Variants in FSIP2 observed in about 807,000 individuals in gnomAD.
The protein encoded by FSIP2 is fibrous sheath-interacting protein 2.
FSIP2 carries 367 observed loss-of-function variants against 510.5 expected under a neutral mutation model. The ratio of observed to expected loss-of-function variants is 0.72; its 90% CI spans 0.66 to 0.78. The LOEUF is 0.78. Among genes scored for constraint, FSIP2 ranks in the 30% least tolerant of loss-of-function variants. The probability of loss-of-function intolerance (pLI) is 0.00; values close to 1 mark genes in which losing one functional copy is unlikely to be tolerated. For missense variants in FSIP2, 7,594 were observed against 7,901.7 expected (o/e 0.96, Z 1.48); for synonymous variants, 2,601 against 2,732.2 (o/e 0.95, Z 1.50).
Position 185,791,277 on chromosome 2 carries a change from C to G in FSIP2, c.4141C>G (p.Arg1381Gly), listed in dbSNP as rs1227256846. 1 of 1,534,050 alleles carries G rather than the reference C, an allele frequency of 6.5e-7. No individual in the cohort carries two copies. The change falls in exon 16 of 23, where the codon CGT becomes GGT. Residue 1381 changes from arginine to glycine, a missense_variant. Coordinates refer to ENST00000424728, the MANE Select transcript of FSIP2 (RefSeq NM_173651.4). The part of the protein sequence containing the change: ...AHQRSISLSS[R>G]KPKSATDSVD... Reference sequence around the variant, plus strand: ...TCAAAGAAGCATTTCACTCTCTTCTCGTAAGCCAAAGTCTGCAACTGACAG... The same window carrying G: ...TCAAAGAAGCATTTCACTCTCTTCTGGTAAGCCAAAGTCTGCAACTGACAG...
chr2:185,762,820 CTTTG>C (rs148800739), intron 11 of FSIP2, among the ~76,000 whole-genome samples: 1 of 151,390 alleles, frequency 6.6e-6, no homozygotes, highest in South Asian at 2.1e-4. Flanking sequence ...TAAATCACAG[CTTTG>C]TTTATTTCAC....
At position 185,805,878 on chromosome 2, in the gene FSIP2, A is replaced by C; in HGVS notation, c.16572A>C (p.Lys5524Asn). 6.2e-7 allele frequency: 1 copy of C among 1,608,932 alleles called. No homozygotes were observed. Among genetic ancestry groups the C allele is most frequent in the South Asian group, 1.1e-5 (1 of 89,976 alleles). Residue 5524 changes from lysine (K) to asparagine (N), a missense_variant, in exon 17 of 23, where the codon AAA becomes AAC. Coordinates refer to ENST00000424728, the MANE Select transcript of FSIP2 (RefSeq NM_173651.4). The stretch of plus-strand genomic sequence containing the variant: ...ATAAAAAGGAAGTGGATGAAAATAA[A>C]GTGGGAATTTGTACTCAAAAACATA... ...VTNKKEVDEN[K>N]VGICTQKHSE... is the part of the protein sequence containing the mutation.
Position 185,789,035 on chromosome 2 carries a change from G to A in FSIP2, c.1899G>A (p.Leu633=). The change falls in exon 16 of 23, where the codon TTG becomes TTA. Residue 633 remains leucine, a synonymous_variant. Transcript: ENST00000424728. ...ISKHKYNKTN[L]LYSYPKLRSC... is the part of the protein sequence containing the mutation. Reference sequence around the variant, plus strand: ...AACATAAATATAATAAAACCAACTTGCTATATTCATACCCTAAGCTCAGAA... The same window carrying A: ...AACATAAATATAATAAAACCAACTTACTATATTCATACCCTAAGCTCAGAA... 1 of 1,533,942 alleles carries A rather than the reference G, an allele frequency of 6.5e-7. No individual in the cohort carries two copies. Among genetic ancestry groups the A allele is most frequent in the Non-Finnish European group, 8.7e-7 (1 of 1,145,390 alleles).
Position 185,744,384 on chromosome 2 carries a change from C to A in FSIP2, c.450C>A (p.Asp150Glu). The change falls in exon 4 of 23, where the codon GAC becomes GAA. Residue 150 changes from aspartate (D) to glutamate (E), a missense_variant. Coordinates refer to ENST00000424728, the MANE Select transcript of FSIP2 (RefSeq NM_173651.4). ...AATATCTTACCAGTTTAAAATTAGA[C>A]TTTGAGAGAAACTATATAAAAGAAC... ...YRQYLTSLKL[D>E]FERNYIKEQR... 2 of 1,190,104 alleles carry A rather than the reference C, an allele frequency of 1.7e-6. No individual in the cohort carries two copies. The highest frequency in any genetic ancestry group is 2.2e-6 in the Non-Finnish European group (2 of 896,464). 73.7% of individuals were successfully genotyped at this position (1,190,104 alleles called of 1,614,324 possible). A position where few individuals can be genotyped will look rare whatever the true frequency, so the allele number is the denominator to read the frequency against.
chr2:185,749,561 T>C (rs1451511049), intron 7 of FSIP2, among the ~76,000 whole-genome samples: 1 of 151,922 alleles, frequency 6.6e-6, no homozygotes, highest in Non-Finnish European at 1.5e-5. Context: ...CAATTAATAG[T>C]TTACATAGAT....
rs1693122020 is a variant in FSIP2, at chr2:185,791,405, T to C, written c.4269T>C (p.His1423=). The change falls in exon 16 of 23, where the codon CAT becomes CAC. Residue 1423 remains histidine (H), a synonymous_variant. Transcript: ENST00000424728. Reference sequence around the variant, plus strand: ...ACCACAGTGTCAATGGTGGAAACCATATTAAAGAGAATGCAAAATTGCAAG... The same window carrying C: ...ACCACAGTGTCAATGGTGGAAACCACATTAAAGAGAATGCAAAATTGCAAG... ...CTHHSVNGGN[H]IKENAKLQVL... The C allele has an allele frequency of 6.5e-7, 1 of 1,534,218 alleles. No homozygotes were observed. Among genetic ancestry groups the C allele is most frequent in the Non-Finnish European group, 8.7e-7 (1 of 1,145,574 alleles).
At position 185,797,120 on chromosome 2, in the gene FSIP2, A is replaced by T. The variant is rs1375479239; in HGVS notation, c.9984A>T (p.Leu3328Phe). ...QTTISPLKIC[L>F]AAENIVNTVL... is the part of the protein sequence containing the mutation. The stretch of plus-strand genomic sequence containing the variant: ...CCATTTCCCCTCTCAAAATATGTTT[A>T]GCTGCAGAAAATATTGTCAATACTG... The change falls in exon 16 of 23, where the codon TTA becomes TTT. Residue 3328 changes from leucine (L) to phenylalanine (F), a missense_variant. Coordinates refer to ENST00000424728, the MANE Select transcript of FSIP2 (RefSeq NM_173651.4). 1.3e-6 allele frequency: 2 copies of T among 1,534,926 alleles called. No homozygotes were observed. The highest frequency in any genetic ancestry group is 1.7e-6 in the Non-Finnish European group (2 of 1,146,218).
chr2:185,764,162 G>C (rs1692412377), intron 12 of FSIP2, among the ~76,000 whole-genome samples: 1 of 151,516 alleles, frequency 6.6e-6, no homozygotes, highest in Admixed American at 6.6e-5. Context: ...TGCACTATCA[G>C]CATTGCCATC....
intron 19 of FSIP2, among the ~76,000 whole-genome samples, chr2:185,821,136 GA>G (rs1462999763): frequency 1.3e-5 from 2 of 150,784 alleles, no homozygotes; most frequent in East Asian, 3.9e-4. Flanking sequence ...TGAGTTTATA[GA>G]AATAAAAAGG....
At chr2:185,737,253 A>C (rs116154065), upstream of FSIP2, among the ~76,000 whole-genome samples, 1 of 152,326 alleles carries the variant, frequency 6.6e-6, no homozygotes, top group African/African-American at 2.4e-5. Context: ...TAAGCCACTA[A>C]GTTTGTGGTG....
At chr2:185,758,908 A>G (rs573501253) in intron 9 of FSIP2, among the ~76,000 whole-genome samples, 6 of 151,312 alleles carry the variant, frequency 4.0e-5, no homozygotes, top group South Asian at 4.2e-4. Flanking sequence ...GAGTTATCCA[A>G]TGTTAGTTGT....
In FSIP2 at chr2:185,797,556, T is replaced by G. The variant is rs1357565671; in HGVS notation, c.10390+30T>G. 5 of 1,470,534 alleles carry G rather than the reference T, an allele frequency of 3.4e-6. No homozygotes were observed. In the African/African-American group the frequency reaches 5.7e-5, roughly 17 times the overall value. 91.1% of individuals were successfully genotyped at this position (1,470,534 alleles called of 1,614,324 possible). ...GCAAGAGAGAACGTACCTAAAAATT[T>G]GCATGATTTAGGAAGAAAACCAGTA... On this transcript the variant is annotated intron_variant, in intron 16 of 22. Coordinates refer to ENST00000424728, the MANE Select transcript of FSIP2 (RefSeq NM_173651.4).
rs1374167026 is a variant in FSIP2, at chr2:185,794,345, A to G, written c.7209A>G (p.Lys2403=). ...GTATGTTAAAGATGTTAGATGATAAAAGATCTGTAAAGGAAATTTGTTTTA... is the reference window on the plus strand; with the variant it reads ...GTATGTTAAAGATGTTAGATGATAAGAGATCTGTAAAGGAAATTTGTTTTA... The part of the protein sequence containing the change: ...VDSMLKMLDD[K]RSVKEICFNS... Residue 2403 remains lysine (K), a synonymous_variant, in exon 16 of 23, where the codon AAA becomes AAG. Transcript: ENST00000424728. The G allele has an allele frequency of 6.6e-7, 1 of 1,515,176 alleles. No homozygotes were observed. Among genetic ancestry groups the G allele is most frequent in the East Asian group, 2.5e-5 (1 of 40,688 alleles). The allele number at this position is 1,515,176 out of a possible 1,614,324, so 93.9% of individuals were successfully genotyped here.
chr2:185,805,248 A>G lies in FSIP2; in HGVS notation c.15942A>G (p.Lys5314=). The G allele has an allele frequency of 6.3e-7, 1 of 1,590,888 alleles. No individual in the cohort carries two copies. The highest frequency in any genetic ancestry group is 8.5e-7 in the Non-Finnish European group (1 of 1,172,046). Reference sequence around the variant, plus strand: ...TAGATATTATGGGCTTGGCTCTAAAACTTGCAAATTCTCTGATAAGGGAAT... The same window carrying G: ...TAGATATTATGGGCTTGGCTCTAAAGCTTGCAAATTCTCTGATAAGGGAAT... ...AELDIMGLAL[K]LANSLIREFK... Residue 5314 remains lysine (K), a synonymous_variant, in exon 17 of 23, where the codon AAA becomes AAG. Transcript: ENST00000424728.
At position 185,794,079 on chromosome 2, in the gene FSIP2, T is replaced by A. The variant is rs761208103; in HGVS notation, c.6943T>A (p.Ser2315Thr). 2.7e-5 allele frequency: 42 copies of A among 1,530,674 alleles called. No homozygotes were observed. Among genetic ancestry groups the A allele is most frequent in the Non-Finnish European group, 1.6e-5 (18 of 1,143,392 alleles). 94.8% of individuals were successfully genotyped at this position (1,530,674 alleles called of 1,614,324 possible). ...ATCAGATGTAAATGTCCTGAAAATATCAGCAACTGAAACCATTCTCAGCCA... is the reference window on the plus strand; with the variant it reads ...ATCAGATGTAAATGTCCTGAAAATAACAGCAACTGAAACCATTCTCAGCCA... ...VESDVNVLKI[S>T]ATETILSQEL... Residue 2315 changes from serine to threonine, a missense_variant, in exon 16 of 23, where the codon TCA becomes ACA. Transcript: ENST00000424728.
chr2:185,757,004 C>T (rs908356025), intron 9 of FSIP2, among the ~76,000 whole-genome samples: 2 of 151,272 alleles, frequency 1.3e-5, no homozygotes, highest in Non-Finnish European at 3.0e-5. Flanking sequence ...GTCTTTCTGC[C>T]TCAGAATCAC....
At position 185,806,841 on chromosome 2, in the gene FSIP2, G is replaced by A; in HGVS notation, c.17535G>A (p.Lys5845=). The A allele has an allele frequency of 6.2e-7, 1 of 1,609,798 alleles. No homozygotes were observed. Among genetic ancestry groups the A allele is most frequent in the Non-Finnish European group, 8.5e-7 (1 of 1,178,202 alleles). Residue 5845 remains lysine, a synonymous_variant, in exon 17 of 23, where the codon AAG becomes AAA. Coordinates refer to ENST00000424728, the MANE Select transcript of FSIP2 (RefSeq NM_173651.4). ...LLKEFSDAQI[K]VFRPDKGNQF... ...AGGAGTTCTCAGATGCTCAAATTAA[G>A]GTTTTCAGGCCAGATAAGGGAAATC...
chr2:185,804,423 G>T lies in FSIP2; in HGVS notation c.15117G>T (p.Leu5039=). 6.6e-7 allele frequency: 1 copy of T among 1,508,802 alleles called. No homozygotes were observed. Among genetic ancestry groups the T allele is most frequent in the South Asian group, 1.2e-5 (1 of 80,844 alleles). 93.5% of individuals were successfully genotyped at this position (1,508,802 alleles called of 1,614,324 possible). A position where few individuals can be genotyped will look rare whatever the true frequency, so the allele number is the denominator to read the frequency against. Reference sequence around the variant, plus strand: ...AAGTATTAGATCAATATAAATCTCTGATTCAAATACATAGGGTTATACAAA... The same window carrying T: ...AAGTATTAGATCAATATAAATCTCTTATTCAAATACATAGGGTTATACAAA... ...YGKVLDQYKS[L]IQIHRVIQSD... Residue 5039 remains leucine (L), a synonymous_variant, in exon 17 of 23, where the codon CTG becomes CTT. Coordinates refer to ENST00000424728, the MANE Select transcript of FSIP2 (RefSeq NM_173651.4).
intron 8 of FSIP2, among the ~76,000 whole-genome samples, chr2:185,755,815 CT>C (rs1158766824): frequency 6.6e-6 from 1 of 151,482 alleles, no homozygotes; most frequent in Admixed American, 6.6e-5. Flanking sequence ...TGTGCATTTG[CT>C]TATGCCAGGC....
Sources: gnomAD v4.1 joint callset for allele counts (sites outside exome capture counted in the v4.1 genomes callset) on GRCh38, gnomAD v4.1.1 for gene constraint, MANE v1.5 for transcripts, NCBI Gene and HGNC (gene_info 2026-07-23, HGNC 2026-07-21) for gene names.